KALRN: variants seen among roughly 807,000 people sequenced by gnomAD.
The protein encoded by KALRN is kalirin.
A neutral mutation model predicts 353.7 loss-of-function variants in KALRN; 70 were observed. The observed-to-expected ratio is 0.20, with a 90% CI of 0.16 to 0.24. The LOEUF (loss-of-function observed/expected upper bound fraction) is 0.24. Among genes scored for constraint, KALRN ranks in the 10% least tolerant of loss-of-function variants. The pLI, the probability that KALRN is intolerant of heterozygous loss-of-function variation, is 1.00. For missense variants in KALRN, 2,791 were observed against 3,756.7 expected (o/e 0.74, Z 6.72); for synonymous variants, 1,391 against 1,434.8 (o/e 0.97, Z 0.69).
intron 33 of KALRN, among the ~76,000 whole-genome samples, chr3:124,518,167 G>T (rs1176721552): frequency 6.6e-6 from 1 of 152,156 alleles, no homozygotes; most frequent in Non-Finnish European, 1.5e-5. Context: ...TGTGGACCTG[G>T]TGGGCTTCTT....
At chr3:124,207,186 T>C (rs1224989400) in intron 1 of KALRN, among the ~76,000 whole-genome samples, 1 of 152,204 alleles carries the variant, frequency 6.6e-6, no homozygotes, top group African/African-American at 2.4e-5. Flanking sequence ...TAGTCTGTGG[T>C]TCCACATTAC....
intron 34 of KALRN, among the ~76,000 whole-genome samples, chr3:124,621,650 T>C (rs1419473485): frequency 2.0e-5 from 3 of 152,250 alleles, no homozygotes; most frequent in African/African-American, 7.2e-5. Context: ...CCCCATTTCC[T>C]GTTGCTGTCA....
intron 1 of KALRN, among the ~76,000 whole-genome samples, chr3:124,180,710 A>G (rs2073449666): frequency 6.6e-6 from 1 of 152,032 alleles, no homozygotes; most frequent in African/African-American, 2.4e-5. Context: ...CTACTCAGTA[A>G]AGGTTGCCCT....
At chr3:124,587,698 C>CTTTTTTTTTTTTTTTTTTTTTTTTTTTT (rs529810541) in intron 34 of KALRN, among the ~76,000 whole-genome samples, 4 of 75,860 alleles carry the variant, frequency 5.3e-5, no homozygotes, top group Non-Finnish European at 7.0e-5. Context: ...CCACCCTCCA[C>CTTTTTTTTTTTTTTTTTTTTTTTTTTTT]TTTTTTTTTT....
intron 13 of KALRN, among the ~76,000 whole-genome samples, chr3:124,408,246 G>T (rs1330478630): frequency 6.6e-6 from 1 of 152,096 alleles, no homozygotes; most frequent in Non-Finnish European, 1.5e-5. Flanking sequence ...CTGAATTATG[G>T]GTTTTGTTTT....
chr3:124,604,996 A>AAT (rs918300806), intron 34 of KALRN, among the ~76,000 whole-genome samples: 1 of 152,074 alleles, frequency 6.6e-6, no homozygotes, highest in African/African-American at 2.4e-5. Context: ...CTCTACAAAA[A>AAT]ATATATATAT....
chr3:124,078,927 G>A (rs2060395973), intron 1 of KALRN, among the ~76,000 whole-genome samples: 2 of 152,146 alleles, frequency 1.3e-5, no homozygotes, highest in East Asian at 3.8e-4. Context: ...GAGACAGAAA[G>A]TTTTCTCTTT....
chr3:124,069,357 AG>A lies in KALRN; in HGVS notation c.73+35546del, dbSNP rs1559899939. Among the ~76,000 whole-genome samples the A allele has an allele frequency of 1.9e-3, 91 of 47,408 alleles. 5 individuals are homozygous for A. Among genetic ancestry groups the A allele is most frequent in the East Asian group, 0.019 (30 of 1,574 alleles). 31.1% of individuals were successfully genotyped at this position (47,408 alleles called of 152,430 possible). A position where few individuals can be genotyped will look rare whatever the true frequency, so the allele number is the denominator to read the frequency against. ...GAGGAGGAGGAGGAGGAGGAGGAGGAGGAGGAGGAGGAGGAAATACTGAGGG... is the reference window on the plus strand; with the variant it reads ...GAGGAGGAGGAGGAGGAGGAGGAGGAGAGGAGGAGGAGGAAATACTGAGGG... On this transcript the variant is annotated intron_variant, in intron 1 of 59. Transcript: ENST00000682506.
intron 10 of KALRN, among the ~76,000 whole-genome samples, chr3:124,371,618 T>G (rs2085846660): frequency 6.6e-6 from 1 of 152,174 alleles, no homozygotes; most frequent in Admixed American, 6.5e-5. Context: ...TTCTGCTTAC[T>G]TTTTGGAATA....
chr3:124,307,256 G>T (rs2077791221), intron 6 of KALRN, among the ~76,000 whole-genome samples: 1 of 152,162 alleles, frequency 6.6e-6, no homozygotes, highest in Non-Finnish European at 1.5e-5. Context: ...GAGCAAATTT[G>T]TAGTAGGCTA....
At position 124,717,251 on chromosome 3, in the gene KALRN, G is replaced by A. The variant is rs930329305; in HGVS notation, c.8281G>A (p.Asp2761Asn). The A allele has an allele frequency of 6.3e-7, 1 of 1,597,382 alleles. No individual in the cohort carries two copies. Among genetic ancestry groups the A allele is most frequent in the African/African-American group, 1.3e-5 (1 of 74,180 alleles). Residue 2761 changes from aspartate (D) to asparagine (N), a missense_variant, in exon 59 of 60, where the codon GAT becomes AAT. Asp to Asn is a conservative substitution (Grantham distance 23). Coordinates refer to ENST00000682506, the MANE Select transcript of KALRN (RefSeq NM_001388419.1). ...CCTTTCCCTGCCTACTTTCAGGATG[G>A]ATGATGGCCGGCTCTTAGACTACCT... ...TSYILILELMDDGRLLDYLMN... is the reference protein window; with the variant it reads ...TSYILILELMNDGRLLDYLMN...
intron 1 of KALRN, among the ~76,000 whole-genome samples, chr3:124,111,710 G>A (rs950945343): frequency 6.6e-6 from 1 of 152,136 alleles, no homozygotes; most frequent in African/African-American, 2.4e-5. Context: ...AATATAGGGG[G>A]CATGTTCATT....
chr3:124,242,744 C>A (rs2148664222), intron 3 of KALRN, among the ~76,000 whole-genome samples: 1 of 152,186 alleles, frequency 6.6e-6, no homozygotes, highest in Non-Finnish European at 1.5e-5. Context: ...TTCTGCTGGC[C>A]AAGGCAACCA....
chr3:124,039,668 A>G (rs2039766371), intron 1 of KALRN, among the ~76,000 whole-genome samples: 1 of 152,244 alleles, frequency 6.6e-6, no homozygotes, highest in African/African-American at 2.4e-5. Flanking sequence ...CTATGTTGGT[A>G]TGCAATTCCT....
intron 1 of KALRN, among the ~76,000 whole-genome samples, chr3:124,187,345 G>T (rs940275028): frequency 6.6e-6 from 1 of 152,182 alleles, no homozygotes; most frequent in African/African-American, 2.4e-5. Flanking sequence ...GCCTCCCAAA[G>T]TGCTGGGATT....
At chr3:124,365,977 G>A (rs1422602542) in intron 10 of KALRN, among the ~76,000 whole-genome samples, 3 of 152,198 alleles carry the variant, frequency 2.0e-5, no homozygotes, top group African/African-American at 4.8e-5. Context: ...TCAGGGTTAT[G>A]AATAACTAAT....
intron 34 of KALRN, among the ~76,000 whole-genome samples, chr3:124,619,315 T>C (rs542477742): frequency 2.6e-5 from 4 of 152,236 alleles, no homozygotes; most frequent in Admixed American, 2.6e-4. Context: ...TATTCCTTGG[T>C]TTGTTGGCAA....
intron 1 of KALRN, among the ~76,000 whole-genome samples, chr3:124,181,350 A>G (rs1248134205): frequency 6.6e-6 from 1 of 152,172 alleles, no homozygotes; most frequent in Admixed American, 6.5e-5. Flanking sequence ...TAAAGGAGAG[A>G]GCAACATTAT....
At chr3:124,572,417 A>G (rs2073644598) in intron 34 of KALRN, among the ~76,000 whole-genome samples, 1 of 152,098 alleles carries the variant, frequency 6.6e-6, no homozygotes, top group Non-Finnish European at 1.5e-5. Flanking sequence ...ATTGTAATCT[A>G]CTGTTTTTTT....
Sources: gnomAD v4.1 joint callset for allele counts (sites outside exome capture counted in the v4.1 genomes callset) on GRCh38, gnomAD v4.1.1 for gene constraint, MANE v1.5 for transcripts, NCBI Gene and HGNC (gene_info 2026-07-23, HGNC 2026-07-21) for gene names.